Variants in LMBRD1 observed in about 807,000 individuals in gnomAD.
LMBRD1 encodes the protein LMBR1 domain containing 1.
A neutral mutation model predicts 74.8 loss-of-function variants in LMBRD1; 64 were observed. The ratio of observed to expected loss-of-function variants is 0.86; its 90% CI spans 0.70 to 1.05. The LOEUF (loss-of-function observed/expected upper bound fraction) is 1.05, where lower values mean the gene tolerates loss of function less well. Among genes scored for constraint, LMBRD1 ranks in the 50% least tolerant of loss-of-function variants. The probability of loss-of-function intolerance (pLI) is 0.00; values close to 1 mark genes in which losing one functional copy is unlikely to be tolerated. For synonymous variants in LMBRD1, 204 were observed against 216.3 expected (o/e 0.94, Z 0.50); for missense variants, 652 against 645.9 (o/e 1.01, Z -0.10).
chr6:69,747,074 A>AACAAAATCC (rs1024268129), intron 5 of LMBRD1, among the ~76,000 whole-genome samples: 8 of 152,226 alleles, frequency 5.3e-5, no homozygotes, highest in African/African-American at 1.9e-4. Flanking sequence ...AAAAAAAAAA[A>AACAAAATCC]ACAAAATCCA....
chr6:69,696,308 T>A (rs969678149), intron 14 of LMBRD1, among the ~76,000 whole-genome samples: 1 of 152,202 alleles, frequency 6.6e-6, no homozygotes, highest in African/African-American at 2.4e-5. Flanking sequence ...TTATTTTAGA[T>A]AGCTCTCCCT....
intron 3 of LMBRD1, among the ~76,000 whole-genome samples, chr6:69,764,127 C>T (rs2149884195): frequency 6.6e-6 from 1 of 152,212 alleles, no homozygotes; most frequent in South Asian, 2.1e-4. Flanking sequence ...TTCTGGGCTG[C>T]CAGGAGTGGA....
chr6:69,789,119 C>G (rs553088096), intron 2 of LMBRD1, among the ~76,000 whole-genome samples: 1 of 152,244 alleles, frequency 6.6e-6, no homozygotes, highest in South Asian at 2.1e-4. Flanking sequence ...TTAAAACTTG[C>G]TAAATGGTGT....
At chr6:69,709,908 T>C (rs1464501731) in intron 9 of LMBRD1, among the ~76,000 whole-genome samples, 1 of 152,164 alleles carries the variant, frequency 6.6e-6, no homozygotes, top group Non-Finnish European at 1.5e-5. Context: ...TAAATAGATA[T>C]CATGTTCATG....
At chr6:69,724,544 C>T (rs1766686180) in intron 7 of LMBRD1, among the ~76,000 whole-genome samples, 1 of 142,528 alleles carries the variant, frequency 7.0e-6, no homozygotes, top group African/African-American at 2.6e-5. Context: ...GGGATAAATC[C>T]CACTTGGTCA....
chr6:69,764,085 T>G (rs987367028), intron 3 of LMBRD1, among the ~76,000 whole-genome samples: 1 of 152,170 alleles, frequency 6.6e-6, no homozygotes, highest in Non-Finnish European at 1.5e-5. Context: ...TAGGATGGAA[T>G]AAACGTATTT....
chr6:69,682,283 C>G (rs1457494), intron 14 of LMBRD1, among the ~76,000 whole-genome samples: 1 of 151,512 alleles, frequency 6.6e-6, no homozygotes, highest in African/African-American at 2.4e-5. Context: ...TCAAAACTCA[C>G]AGAAATTTTG....
At chr6:69,724,700 A>G (rs1766689913) in intron 7 of LMBRD1, among the ~76,000 whole-genome samples, 1 of 151,582 alleles carries the variant, frequency 6.6e-6, no homozygotes, top group African/African-American at 2.4e-5. Context: ...CAAAAAACTG[A>G]GTATAGAAGG....
intron 7 of LMBRD1, among the ~76,000 whole-genome samples, chr6:69,731,906 G>A (rs747866178): frequency 3.0e-4 from 46 of 152,146 alleles, no homozygotes; most frequent in Non-Finnish European, 5.4e-4. Context: ...TTTTAGGAAC[G>A]CCTTTCATTT....
Position 69,718,939 on chromosome 6 carries a change from C to A in LMBRD1, c.762+17G>T. 3.1e-6 allele frequency: 5 copies of A among 1,612,760 alleles called. No individual in the cohort carries two copies. Among genetic ancestry groups the A allele is most frequent in the South Asian group, 1.1e-5 (1 of 91,042 alleles). ...AGTAGTTTTATGCTTCCCAATTACA[C>A]CAAAACATCAACTCACTTTTGATTT... On this transcript the variant is annotated intron_variant, in intron 8 of 15. Transcript: ENST00000649934.
At chr6:69,764,554 G>A (rs370803164) in intron 3 of LMBRD1, among the ~76,000 whole-genome samples, 6 of 152,114 alleles carry the variant, frequency 3.9e-5, no homozygotes, top group African/African-American at 9.7e-5. Flanking sequence ...CATTGAAAAC[G>A]TAATTTACAT....
intron 13 of LMBRD1, among the ~76,000 whole-genome samples, chr6:69,698,661 G>C (rs1310229813): frequency 6.6e-6 from 1 of 151,854 alleles, no homozygotes; most frequent in Non-Finnish European, 1.5e-5. Flanking sequence ...GCCTCTTCTA[G>C]GGGATTCATA....
chr6:69,723,325 T>C (rs776782303), intron 7 of LMBRD1, among the ~76,000 whole-genome samples: 3 of 152,120 alleles, frequency 2.0e-5, no homozygotes, highest in Non-Finnish European at 4.4e-5. Context: ...ATGGACCTAA[T>C]AGACATTTAA....
At chr6:69,716,282 T>C (rs1048342030) in intron 8 of LMBRD1, among the ~76,000 whole-genome samples, 3 of 152,190 alleles carry the variant, frequency 2.0e-5, no homozygotes, top group Non-Finnish European at 4.4e-5. Flanking sequence ...TGGCATCTGT[T>C]ATTTTTTGAC....
chr6:69,717,427 A>G (rs1234062175), intron 8 of LMBRD1, among the ~76,000 whole-genome samples: 2 of 152,150 alleles, frequency 1.3e-5, no homozygotes, highest in Non-Finnish European at 2.9e-5. Flanking sequence ...TTCTTTCACT[A>G]TTAAGTATTA....
At chr6:69,783,769 C>T (rs960898328) in intron 2 of LMBRD1, among the ~76,000 whole-genome samples, 1 of 152,052 alleles carries the variant, frequency 6.6e-6, no homozygotes, top group East Asian at 1.9e-4. Context: ...ACAAACTTCC[C>T]ACCAATTTCC....
intron 3 of LMBRD1, among the ~76,000 whole-genome samples, chr6:69,767,916 T>C (rs140976861): frequency 4.9e-4 from 75 of 152,108 alleles, no homozygotes; most frequent in Non-Finnish European, 2.5e-4. Flanking sequence ...ATAATTTTTC[T>C]GTCATTTTAA....
intron 1 of LMBRD1, among the ~76,000 whole-genome samples, chr6:69,794,457 T>C (rs1208918229): frequency 6.6e-6 from 1 of 152,220 alleles, no homozygotes; most frequent in African/African-American, 2.4e-5. Context: ...CAGGAAAAGT[T>C]TAGAGTTAAA....
intron 8 of LMBRD1, 142 bp from the exon 9 acceptor site, chr6:69,713,939 T>G (rs987455287): frequency 1.3e-6 from 1 of 795,240 alleles, no homozygotes; most frequent in African/African-American, 1.7e-5. Flanking sequence ...ACCTGACAAC[T>G]GCAATATGAC....
Sources: allele counts gnomAD v4.1 joint callset (sites outside exome capture counted in the v4.1 genomes callset), GRCh38; gene constraint gnomAD v4.1.1; transcripts MANE v1.5; gene names NCBI Gene and HGNC (gene_info 2026-07-23, HGNC 2026-07-21).